Variants in HNRNPD observed in about 807,000 individuals in gnomAD.
The protein encoded by HNRNPD is heterogeneous nuclear ribonucleoprotein D0.
Under a neutral mutation model 47.9 loss-of-function variants are expected in HNRNPD, and 3 were observed. That is an observed-to-expected ratio of 0.06 (90% confidence interval 0.03 to 0.16). HNRNPD has a LOEUF of 0.16. Among genes scored for constraint, HNRNPD ranks in the 10% least tolerant of loss-of-function variants. The pLI is 1.00. For missense variants in HNRNPD, 287 were observed against 454.2 expected, an observed-to-expected ratio of 0.63 and a Z score of 3.35; for synonymous variants, 171 against 165.1, an observed-to-expected ratio of 1.04 and a Z score of -0.28.
rs767357120 is a variant in HNRNPD, at chr4:82,373,714, A to T, written c.-36T>A. The T allele has an allele frequency of 6.6e-7, 1 of 1,517,856 alleles. No homozygotes were observed. 94.0% of individuals were successfully genotyped at this position (1,517,856 alleles called of 1,614,324 possible). On this transcript the variant is annotated 5_prime_UTR_variant, in exon 1 of 9. Transcript: ENST00000313899. ...TCTCCGCCGCTGCCGCCGAGACTAC[A>T]CCCGCCGCTGCCGCGAACCGAAACT...
At position 82,352,768 on chromosome 4, in the gene HNRNPD, C is replaced by G. The variant is rs1410842859; in HGVS notation, c.*1417G>C. 3 of 148,322 alleles carry G rather than the reference C, an allele frequency of 2.0e-5. No individual in the cohort carries two copies. The highest frequency in any genetic ancestry group is 4.4e-5 in the Non-Finnish European group (3 of 67,446). 9.2% of individuals were successfully genotyped at this position (148,322 alleles called of 1,614,324 possible). A position where few individuals can be genotyped will look rare whatever the true frequency, so the allele number is the denominator to read the frequency against. Reference sequence around the variant, plus strand: ...GGGTTGCAATCTTATAAAAACAGGACACAGGTCCTCAATTTGGATCTATCA... The same window carrying G: ...GGGTTGCAATCTTATAAAAACAGGAGACAGGTCCTCAATTTGGATCTATCA... On this transcript the variant is annotated 3_prime_UTR_variant, in exon 9 of 9. Coordinates refer to ENST00000313899, the MANE Select transcript of HNRNPD (RefSeq NM_031370.3).
At chr4:82,355,126 CA>C in intron 8 of HNRNPD, 177 bp downstream of exon 8, 1 of 583,132 alleles carries the variant, frequency 1.7e-6, no homozygotes, top group East Asian at 2.9e-5. Flanking sequence ...AATAATAGGA[CA>C]AAAAGGCAAA....
chr4:82,372,770 A>G (rs777256984), intron 1 of HNRNPD, among the ~76,000 whole-genome samples: 8 of 152,204 alleles, frequency 5.3e-5, no homozygotes, highest in Non-Finnish European at 4.4e-5. Context: ...AGAAACTCGG[A>G]GCATTTCACC....
chr4:82,363,140 G>C (rs1719574189), intron 2 of HNRNPD, among the ~76,000 whole-genome samples: 2 of 151,576 alleles, frequency 1.3e-5, no homozygotes, highest in African/African-American at 2.4e-5. Flanking sequence ...GCAATGGCAT[G>C]ATCTAGGCTC....
At chr4:82,362,668 T>C (rs895834638) in intron 2 of HNRNPD, among the ~76,000 whole-genome samples, 2 of 152,148 alleles carry the variant, frequency 1.3e-5, no homozygotes, top group African/African-American at 4.8e-5. Flanking sequence ...AGTGGCACAA[T>C]CTCAGCTCAC....
intron 2 of HNRNPD, among the ~76,000 whole-genome samples, chr4:82,363,789 T>C (rs1275100014): frequency 6.6e-6 from 1 of 152,182 alleles, no homozygotes; most frequent in African/African-American, 2.4e-5. Flanking sequence ...TCTCCTTGCT[T>C]TCACATTGGC....
chr4:82,363,032 A>ATGTATGTGTGTG (rs1719556505), intron 2 of HNRNPD, among the ~76,000 whole-genome samples: 1 of 148,932 alleles, frequency 6.7e-6, no homozygotes, highest in African/African-American at 2.5e-5. Context: ...TTATATATAT[A>ATGTATGTGTGTG]TGTGTGTGTG....
intron 7 of HNRNPD, 154 bp from the exon 8 acceptor site, chr4:82,355,555 C>T (rs2109988150): frequency 1.6e-6 from 1 of 623,944 alleles, no homozygotes; most frequent in South Asian, 2.0e-5. Flanking sequence ...AAATAATTTA[C>T]CAAATATGTA....
At chr4:82,364,835 C>T (rs1719673973) in intron 2 of HNRNPD, among the ~76,000 whole-genome samples, 1 of 152,114 alleles carries the variant, frequency 6.6e-6, no homozygotes. Context: ...GGAAAATGTT[C>T]CGATTTAATA....
chr4:82,357,611 A>G lies in HNRNPD; in HGVS notation c.622-167T>C, dbSNP rs557761026. 6.6e-4 allele frequency: 357 copies of G among 540,852 alleles called. 1 individual carries two copies. The highest frequency in any genetic ancestry group is 9.9e-4 in the Non-Finnish European group (318 of 321,948). 33.5% of individuals were successfully genotyped at this position (540,852 alleles called of 1,614,324 possible). On this transcript the variant is annotated intron_variant, in intron 4 of 8. Transcript: ENST00000313899. ...TCTAATCCTTTTAAGGAATTCTTCA[A>G]ATTAGAACACCCATTCCATCTAAGG... is the stretch of plus-strand genomic sequence containing the variant.
intron 2 of HNRNPD, among the ~76,000 whole-genome samples, chr4:82,367,549 T>C (rs1202384250): frequency 6.6e-6 from 1 of 152,204 alleles, no homozygotes; most frequent in African/African-American, 2.4e-5. Context: ...TATTTTCTCA[T>C]GGCTTCATCT....
At chr4:82,369,012 G>A (rs565649478) in intron 2 of HNRNPD, among the ~76,000 whole-genome samples, 23 of 152,168 alleles carry the variant, frequency 1.5e-4, no homozygotes, top group African/African-American at 5.3e-4. Context: ...GTGAATGGGG[G>A]GACTTTTTTG....
chr4:82,370,574 T>C (rs1719992407), intron 2 of HNRNPD, among the ~76,000 whole-genome samples: 1 of 152,164 alleles, frequency 6.6e-6, no homozygotes, highest in African/African-American at 2.4e-5. Context: ...GTTTCCCATC[T>C]GCTTTTTCTC....
chr4:82,371,426 A>G, intron 2 of HNRNPD, 102 bp downstream of exon 2: 2 of 883,572 alleles, frequency 2.3e-6, no homozygotes, highest in South Asian at 1.5e-5. Flanking sequence ...ACTATGGTCT[A>G]GAATTTCCTG....
intron 1 of HNRNPD, among the ~76,000 whole-genome samples, chr4:82,372,192 G>C (rs1290720864): frequency 1.3e-5 from 2 of 151,920 alleles, no homozygotes; most frequent in African/African-American, 2.4e-5. Flanking sequence ...AAAAGGAATG[G>C]AAGCGTGAAC....
rs1235979870 is a variant in HNRNPD at position 82,373,851 on chromosome 4, G to A, written c.-173C>T. 3 of 1,374,826 alleles carry A rather than the reference G, an allele frequency of 2.2e-6. No individual in the cohort carries two copies. Among genetic ancestry groups the A allele is most frequent in the Non-Finnish European group, 9.6e-7 (1 of 1,046,800 alleles). 85.2% of individuals were successfully genotyped at this position (1,374,826 alleles called of 1,614,324 possible). The stretch of plus-strand genomic sequence containing the variant: ...AGGCTCCTGCGCCTCTCCCTGGCCT[G>A]CCCCCTTCGCCTCCCACTCTCGCGC... On this transcript the variant is annotated 5_prime_UTR_variant, in exon 1 of 9. Coordinates refer to ENST00000313899, the MANE Select transcript of HNRNPD (RefSeq NM_031370.3).
intron 2 of HNRNPD, among the ~76,000 whole-genome samples, chr4:82,366,904 G>A (rs1265775376): frequency 1.3e-5 from 2 of 152,046 alleles, no homozygotes; most frequent in Non-Finnish European, 2.9e-5. Flanking sequence ...CTATCAAAAT[G>A]CAGTGGCTCC....
chr4:82,355,232 T>G lies in HNRNPD; in HGVS notation c.*30+72A>C. 3 of 830,372 alleles carry G rather than the reference T, an allele frequency of 3.6e-6. No individual in the cohort carries two copies. The Admixed American group carries it at 7.2e-5, about 20-fold the overall frequency. The allele number at this position is 830,372 out of a possible 1,614,324, so 51.4% of individuals were successfully genotyped here. ...GCTGTGAAACTCTTAAATTAAGCAT[T>G]GTTTTATGAACAATATAGATTATAA... On this transcript the variant is annotated intron_variant, in intron 8 of 8. Coordinates refer to ENST00000313899, the MANE Select transcript of HNRNPD (RefSeq NM_031370.3).
At position 82,358,680 on chromosome 4, in the gene HNRNPD, C is replaced by T; in HGVS notation, c.600G>A (p.Glu200=). The T allele has an allele frequency of 3.1e-6, 5 of 1,607,958 alleles. No individual in the cohort carries two copies. Among genetic ancestry groups the T allele is most frequent in the African/African-American group, 1.3e-5 (1 of 74,576 alleles). ...ATACCTCACCAAAACCACCAAAGTACTCCCTTATTTTCTCTTCAGGTGTAT... is the reference window on the plus strand; with the variant it reads ...ATACCTCACCAAAACCACCAAAGTATTCCCTTATTTTCTCTTCAGGTGTAT... The part of the protein sequence containing the change: ...SPDTPEEKIR[E]YFGGFGEVES... Residue 200 remains glutamate, a synonymous_variant, in exon 4 of 9, where the codon GAG becomes GAA. Coordinates refer to ENST00000313899, the MANE Select transcript of HNRNPD (RefSeq NM_031370.3).
Sources: gnomAD v4.1 joint callset for allele counts (sites outside exome capture counted in the v4.1 genomes callset) on GRCh38, gnomAD v4.1.1 for gene constraint, MANE v1.5 for transcripts, NCBI Gene and HGNC (gene_info 2026-07-23, HGNC 2026-07-21) for gene names.